COL8A2: variants seen among roughly 807,000 people sequenced by gnomAD.
The protein encoded by COL8A2 is collagen alpha-2(VIII) chain.
A neutral mutation model predicts 24.0 loss-of-function variants in COL8A2; 16 were observed. The ratio of observed to expected loss-of-function variants is 0.67; its 90% CI spans 0.45 to 1.01. COL8A2 has a LOEUF of 1.01. Ranked by LOEUF, COL8A2 falls within the 50% of genes least tolerant of loss-of-function variation. The pLI, the probability that COL8A2 is intolerant of heterozygous loss-of-function variation, is 0.00. For synonymous variants in COL8A2, 466 were observed against 424.5 expected, an observed-to-expected ratio of 1.10 and a Z score of -1.20; for missense variants, 818 against 942.4, an observed-to-expected ratio of 0.87 and a Z score of 1.73.
At position 36,123,337 on chromosome 1, in the gene COL8A2, G is replaced by A. The variant is rs762410719; in HGVS notation, c.-62+1720C>T. ...GCTGGGGCTGTGCGTCCTTTGTTCC[G>A]GCTCAGGCAGGAGCAGAGAAGGTAG... On this transcript the variant is annotated intron_variant, in intron 1 of 3. Transcript: ENST00000397799. The surrounding 1 kb of genome is among the most constrained non-coding windows in gnomAD (Gnocchi z 4.1). Among the ~76,000 whole-genome samples the A allele has an allele frequency of 3.9e-5, 6 of 152,238 alleles. No homozygotes were observed. The highest frequency in any genetic ancestry group is 1.2e-4 in the African/African-American group (5 of 41,462).
intron 2 of COL8A2, 58 bp from the exon 3 acceptor site, chr1:36,100,316 C>T (rs1472051788): frequency 5.6e-6 from 8 of 1,417,836 alleles, no homozygotes; most frequent in Admixed American, 2.0e-5. Flanking sequence ...GGCACTAGGC[C>T]CGGGGTCACC....
chr1:36,105,874 A>C (rs2358616), intron 2 of COL8A2, among the ~76,000 whole-genome samples: 4,514 of 151,676 alleles, frequency 0.03, 90 homozygotes, highest in South Asian at 0.055. Context: ...ACTTGAGCCC[A>C]GGAGGTAGAA....
intron 1 of COL8A2, among the ~76,000 whole-genome samples, chr1:36,117,097 C>G (rs1470247492): frequency 6.6e-6 from 1 of 152,254 alleles, no homozygotes; most frequent in Non-Finnish European, 1.5e-5. Flanking sequence ...GCTTGCTTGC[C>G]TCTGCCTGCT....
chr1:36,101,186 G>A (rs556564585), intron 2 of COL8A2, among the ~76,000 whole-genome samples: 6 of 152,072 alleles, frequency 3.9e-5, no homozygotes, highest in South Asian at 2.1e-4. Context: ...GAGCCACCGC[G>A]CCCGGCCTGC....
At chr1:36,121,956 C>G (rs185855718) in intron 1 of COL8A2, among the ~76,000 whole-genome samples, 2 of 152,114 alleles carry the variant, frequency 1.3e-5, no homozygotes, top group African/African-American at 4.8e-5. Context: ...ACTAGCCCTC[C>G]GCCACCCCCA....
chr1:36,120,064 C>T (rs1643899139), intron 1 of COL8A2, among the ~76,000 whole-genome samples: 1 of 152,142 alleles, frequency 6.6e-6, no homozygotes, highest in Non-Finnish European at 1.5e-5. Flanking sequence ...ATAGAAAATA[C>T]CATCCCAGCC....
At position 36,125,126 on chromosome 1, in the gene COL8A2, G is replaced by A. The variant is rs1373521060; in HGVS notation, c.-131C>T. On this transcript the variant is annotated 5_prime_UTR_variant, in exon 1 of 4. Coordinates refer to ENST00000397799, the MANE Select transcript of COL8A2 (RefSeq NM_005202.4). This position sits in a 1 kb window ranked among gnomAD's most constrained non-coding sequence, Gnocchi z 4.5. ...GCCCGGGCGGCGAGGGCTCCGGGCA[G>A]GGGCGTCCGCGGCTGGGCGGGCGGC... 9.9e-6 allele frequency: 9 copies of A among 908,554 alleles called. No individual in the cohort carries two copies. In the African/African-American group the frequency reaches 1.6e-4, roughly 16 times the overall value. 56.3% of individuals were successfully genotyped at this position (908,554 alleles called of 1,614,324 possible).
At chr1:36,113,824 T>C (rs957825840) in intron 2 of COL8A2, among the ~76,000 whole-genome samples, 2 of 152,214 alleles carry the variant, frequency 1.3e-5, no homozygotes, top group African/African-American at 4.8e-5. Context: ...GTGGCCTCAG[T>C]TTCAGAAGTA....
chr1:36,103,784 A>AT (rs1643715615), intron 2 of COL8A2, among the ~76,000 whole-genome samples: 1 of 151,598 alleles, frequency 6.6e-6, no homozygotes, highest in African/African-American at 2.4e-5. Flanking sequence ...AGGGTTCACC[A>AT]TGTAGGCCAG....
At position 36,096,087 on chromosome 1, in the gene COL8A2, ACGAGATCACAGAC is replaced by A; in HGVS notation, c.*1469_*1481del. The A allele has an allele frequency of 6.6e-6, 1 of 151,576 alleles. No individual in the cohort carries two copies. Among genetic ancestry groups the A allele is most frequent in the Admixed American group, 6.6e-5 (1 of 15,228 alleles). The allele number at this position is 151,576 out of a possible 1,614,324, so 9.4% of individuals were successfully genotyped here. On this transcript the variant is annotated 3_prime_UTR_variant, in exon 4 of 4. Transcript: ENST00000397799. ...ACACAGCCAGACTTGGAGCAGTGCAACGAGATCACAGACCGAATGACCCCAGTTCACACTTGGT... is the reference window on the plus strand; with the variant it reads ...ACACAGCCAGACTTGGAGCAGTGCAACGAATGACCCCAGTTCACACTTGGT...
chr1:36,105,843 GGAGGCT>G (rs1643751292), intron 2 of COL8A2, among the ~76,000 whole-genome samples: 1 of 151,960 alleles, frequency 6.6e-6, no homozygotes, highest in Non-Finnish European at 1.5e-5. Flanking sequence ...TGGCTACTCA[GGAGGCT>G]GAGGCAGGAA....
In COL8A2 at chr1:36,098,782, T is replaced by C. The variant is rs1264311160; in HGVS notation, c.899A>G (p.Glu300Gly). 6.2e-7 allele frequency: 1 copy of C among 1,611,428 alleles called. No homozygotes were observed. Among genetic ancestry groups the C allele is most frequent in the Non-Finnish European group, 8.5e-7 (1 of 1,179,478 alleles). ...GPQGPSGAKG[E>G]PGTRGPPGLI... The stretch of plus-strand genomic sequence containing the variant: ...CCCAGGGGGGCCCCGGGTCCCTGGC[T>C]CCCCTTTGGCCCCTGATGGGCCCTG... The change falls in exon 4 of 4, where the codon GAG (glutamate) becomes GGG (glycine). Residue 300 changes from glutamate to glycine, a missense_variant. This residue lies in a region of COL8A2 where 573 missense variants were observed against 616.8 expected (regional missense o/e 0.93). Transcript: ENST00000397799.
chr1:36,097,872 G>C lies in COL8A2; in HGVS notation c.1809C>G (p.Ser603Arg), dbSNP rs139081156. 1.2e-6 allele frequency: 2 copies of C among 1,612,374 alleles called. No individual in the cohort carries two copies. The highest frequency in any genetic ancestry group is 1.7e-6 in the Non-Finnish European group (2 of 1,179,996). Residue 603 changes from serine to arginine, a missense_variant, in exon 4 of 4, where the codon AGC (serine) becomes AGG (arginine). Physicochemically the swap from Ser to Arg is moderately radical, Grantham distance 110 (BLOSUM62 -1). This residue lies in a region of COL8A2 where 235 missense variants were observed against 297.3 expected (regional missense o/e 0.79). Transcript: ENST00000397799. ...AGATGCCAGTGGCTGGGTTGTAGCC[G>C]CTGTGGCCATTGTAGAGAGTCCGGT... is the stretch of plus-strand genomic sequence containing the variant. ...KFDRTLYNGH[S>R]GYNPATGIFT...
chr1:36,099,583 G>A, intron 3 of COL8A2, 96 bp from the exon 4 acceptor site: 1 of 948,594 alleles, frequency 1.1e-6, no homozygotes, highest in Non-Finnish European at 1.6e-6. Context: ...AGGTACACGG[G>A]AGAGGAAGAA....
chr1:36,100,007 G>T (rs776118604), intron 3 of COL8A2, 43 bp downstream of exon 3: 2 of 1,580,026 alleles, frequency 1.3e-6, no homozygotes, highest in East Asian at 2.2e-5. Flanking sequence ...GGATTTGGGG[G>T]CTGGGAGCGA....
rs1643943480 is a variant in COL8A2, at chr1:36,125,146, G to C, written c.-151C>G. The C allele has an allele frequency of 1.5e-6, 1 of 670,568 alleles. No individual in the cohort carries two copies. Among genetic ancestry groups the C allele is most frequent in the African/African-American group, 2.0e-5 (1 of 50,914 alleles). The allele number at this position is 670,568 out of a possible 1,614,324, so 41.5% of individuals were successfully genotyped here. A position where few individuals can be genotyped will look rare whatever the true frequency, so the allele number is the denominator to read the frequency against. On this transcript the variant is annotated 5_prime_UTR_variant, in exon 1 of 4. Transcript: ENST00000397799. This position sits in a 1 kb window ranked among gnomAD's most constrained non-coding sequence, Gnocchi z 4.5. ...GGGCAGGGGCGTCCGCGGCTGGGCG[G>C]GCGGCGTTGGGGTCCGGGGTCCGCG... is the stretch of plus-strand genomic sequence containing the variant.
chr1:36,102,671 GTT>G (rs71053904), intron 2 of COL8A2, among the ~76,000 whole-genome samples: 18 of 122,372 alleles, frequency 1.5e-4, no homozygotes, highest in Middle Eastern at 9.0e-3. Context: ...CTGGTTTTTT[GTT>G]TTTTTTTTTT....
In COL8A2 at chr1:36,098,105, G is replaced by T; in HGVS notation, c.1576C>A (p.Pro526Thr). The change falls in exon 4 of 4, where the codon CCC (proline) becomes ACC (threonine). Residue 526 changes from proline (P) to threonine (T), a missense_variant. Around this residue, in one of 3 missense-constraint regions of COL8A2, gnomAD observed 235 missense variants for 297.3 expected, o/e 0.79. Transcript: ENST00000397799. ...GITGPPGPPG[P>T]PGPPGAPGAF... ...CCAGGGGCACCAGGGGGTCCCGGGG[G>T]CCCGGGAGGCCCCGGAGGGCCCGTG... The T allele has an allele frequency of 2.0e-6, 3 of 1,513,694 alleles. No individual in the cohort carries two copies. Among genetic ancestry groups the T allele is most frequent in the Middle Eastern group, 2.3e-4 (1 of 4,322 alleles). 93.8% of individuals were successfully genotyped at this position (1,513,694 alleles called of 1,614,324 possible).
chr1:36,124,094 T>G (rs1056760877), intron 1 of COL8A2, among the ~76,000 whole-genome samples: 28 of 152,190 alleles, frequency 1.8e-4, no homozygotes, highest in East Asian at 5.8e-4. Flanking sequence ...AAGGGGACTC[T>G]GCTAAGAGGA....
Sources: allele counts gnomAD v4.1 joint callset (sites outside exome capture counted in the v4.1 genomes callset), GRCh38; gene constraint gnomAD v4.1.1; regional missense constraint gnomAD v4.1.1; non-coding constraint Gnocchi (gnomAD v3.1); transcripts MANE v1.5; gene names NCBI Gene and HGNC (gene_info 2026-07-23, HGNC 2026-07-21).